DENND1C: variants seen among roughly 807,000 people sequenced by gnomAD.
DENND1C encodes DENN domain-containing protein 1C.
Under a neutral mutation model 87.9 loss-of-function variants are expected in DENND1C, and 64 were observed. That is an observed-to-expected ratio of 0.73 (90% confidence interval 0.60 to 0.90). The LOEUF (loss-of-function observed/expected upper bound fraction) is 0.90, where lower values mean the gene tolerates loss of function less well. Ranked by LOEUF, DENND1C falls within the 40% of genes least tolerant of loss-of-function variation. DENND1C has a pLI of 0.00. For missense variants in DENND1C, 980 were observed against 1,037.0 expected (o/e 0.95, Z 0.76); for synonymous variants, 384 against 424.4 (o/e 0.90, Z 1.17).
chr19:6,467,454 G>A lies in DENND1C; in HGVS notation c.*50C>T. ...CCAGGAAAAAAACCAGCTTTTTTGG[G>A]CTCTTGTGGCTTTATTGAGGGACTG... On this transcript the variant is annotated 3_prime_UTR_variant, in exon 23 of 23. Transcript: ENST00000381480. 1 of 1,467,846 alleles carries A rather than the reference G, an allele frequency of 6.8e-7. No homozygotes were observed. Among genetic ancestry groups the A allele is most frequent in the South Asian group, 1.4e-5 (1 of 69,964 alleles). 90.9% of individuals were successfully genotyped at this position (1,467,846 alleles called of 1,614,324 possible).
intron 1 of DENND1C, chr19:6,480,591 T>C (rs1016325376): frequency 1.8e-5 from 7 of 386,306 alleles, no homozygotes; most frequent in Non-Finnish European, 1.7e-5. Context: ...TCTATCTATC[T>C]ATCTATCTAT....
At chr19:6,470,226 G>A (rs976887313) in intron 18 of DENND1C, 69 bp downstream of exon 18, 18 of 1,493,874 alleles carry the variant, frequency 1.2e-5, no homozygotes, top group Non-Finnish European at 1.6e-5. Flanking sequence ...ATCCTTGGGA[G>A]GTCAAAGTGT....
chr19:6,474,254 T>C (rs887956780), intron 14 of DENND1C, among the ~76,000 whole-genome samples: 3 of 151,110 alleles, frequency 2.0e-5, no homozygotes, highest in African/African-American at 7.3e-5. Context: ...GTCCCAGTTT[T>C]TGGGAGAGAT....
Position 6,478,732 on chromosome 19 carries a change from G to T in DENND1C, c.366+51C>A, listed in dbSNP as rs536995091. On this transcript the variant is annotated intron_variant, in intron 6 of 22. Transcript: ENST00000381480. ...TGAGAGGGAGGGGTTGGGAGGTTGA[G>T]GGGGGTGGGGGCTGGGACTCCCACA... 2.2e-4 allele frequency: 343 copies of T among 1,564,308 alleles called. 4 individuals are homozygous for T. The South Asian group carries it at 3.1e-3, about 14-fold the overall frequency.
Position 6,478,181 on chromosome 19 carries a change from C to G in DENND1C, c.366+602G>C, listed in dbSNP as rs552981655. ...CTTCGAACTCCTGGGCTCAGTTGAT[C>G]CTCCCACCTTGCTCTCCTGAGTAGC... is the stretch of plus-strand genomic sequence containing the variant. On this transcript the variant is annotated intron_variant, in intron 6 of 22. Transcript: ENST00000381480. Among the ~76,000 whole-genome samples the G allele has an allele frequency of 3.3e-5, 5 of 152,258 alleles. No homozygotes were observed. In the South Asian group the frequency reaches 1.0e-3, roughly 32 times the overall value.
chr19:6,471,226 TA>T, intron 17 of DENND1C, 38 bp downstream of exon 17: 1 of 1,560,464 alleles, frequency 6.4e-7, no homozygotes, highest in Non-Finnish European at 8.7e-7. Flanking sequence ...ATTACAGGCC[TA>T]AGCCAACGCC....
intron 6 of DENND1C, 72 bp from the exon 7 acceptor site, chr19:6,477,530 A>G: frequency 7.0e-7 from 1 of 1,434,760 alleles, no homozygotes; most frequent in Non-Finnish European, 9.7e-7. Flanking sequence ...GGCTATGACT[A>G]AGGTTGAGTG....
In DENND1C at chr19:6,468,067, GCT is replaced by G; in HGVS notation, c.1841_1842del (p.Glu614AlafsTer77). The G allele has an allele frequency of 6.2e-7, 1 of 1,613,926 alleles. No homozygotes were observed. Among genetic ancestry groups the G allele is most frequent in the Non-Finnish European group, 8.5e-7 (1 of 1,179,868 alleles). On this transcript the variant is annotated frameshift_variant, in exon 23 of 23. Transcript: ENST00000381480. LOFTEE classifies it low-confidence loss of function (END_TRUNC). The stretch of plus-strand genomic sequence containing the variant: ...AGGGATGGCAGGGAAAGGGGCTGGG[GCT>G]CCGGCTCTGGTAGTTTCTTATCGTC... ...QPDDKKLPEPEPQPLSLPSLQ... is the reference protein window; with the variant it reads ...QPDDKKLPEPXPQPLSLPSLQ...
chr19:6,467,486 C>G lies in DENND1C; in HGVS notation c.*18G>C, dbSNP rs775357666. The stretch of plus-strand genomic sequence containing the variant: ...TGGCTTTATTGAGGGACTGGGGTCT[C>G]TCTTGGACCCCTGATTCTTAACCCT... On this transcript the variant is annotated 3_prime_UTR_variant, in exon 23 of 23. Coordinates refer to ENST00000381480, the MANE Select transcript of DENND1C (RefSeq NM_024898.4). The G allele has an allele frequency of 5.8e-6, 9 of 1,558,822 alleles. No homozygotes were observed. The highest frequency in any genetic ancestry group is 8.6e-7 in the Non-Finnish European group (1 of 1,156,158).
Position 6,478,917 on chromosome 19 carries a change from C to T in DENND1C, c.296+20G>A, listed in dbSNP as rs1402933948. ...GCCTCGGCCTTTCCCATCCCCCCCTCCAACCCCCATATCCCGCACCTGAGG... is the reference window on the plus strand; with the variant it reads ...GCCTCGGCCTTTCCCATCCCCCCCTTCAACCCCCATATCCCGCACCTGAGG... On this transcript the variant is annotated intron_variant, in intron 5 of 22. Coordinates refer to ENST00000381480, the MANE Select transcript of DENND1C (RefSeq NM_024898.4). 3 of 1,613,808 alleles carry T rather than the reference C, an allele frequency of 1.9e-6. No individual in the cohort carries two copies. The Admixed American group carries it at 5.0e-5, about 27-fold the overall frequency.
Position 6,467,632 on chromosome 19 carries a change from C to T in DENND1C, c.2278G>A (p.Ala760Thr), listed in dbSNP as rs201488135. 7.7e-5 allele frequency: 119 copies of T among 1,551,158 alleles called. 2 individuals are homozygous for T. The Middle Eastern group carries it at 4.7e-3, about 61-fold the overall frequency. Residue 760 changes from alanine (A) to threonine (T), a missense_variant, in exon 23 of 23, where the codon GCT (alanine) becomes ACT (threonine). By Grantham distance (58) the Ala-to-Thr change is moderately conservative. Coordinates refer to ENST00000381480, the MANE Select transcript of DENND1C (RefSeq NM_024898.4). ...RPPKALLAER[A>T]HLQPREEPGA... ...GGTTCCTCCCGTGGCTGGAGGTGAG[C>T]GCGCTCTGCCAGCAGGGCTTTGGGA...
chr19:6,479,289 GTCCTTGAA>G (rs1357556601), intron 4 of DENND1C, among the ~76,000 whole-genome samples: 8 of 149,408 alleles, frequency 5.4e-5, no homozygotes, highest in African/African-American at 2.0e-4. Flanking sequence ...GGATCTCTGG[GTCCTTGAA>G]TCCCTAAGTC....
In DENND1C at chr19:6,478,658, G is replaced by T. The variant is rs1337229853; in HGVS notation, c.366+125C>A. On this transcript the variant is annotated intron_variant, in intron 6 of 22. Transcript: ENST00000381480. ...TCCTCCCACCTCGGCCTCCCAAAAT[G>T]CAGGGACTACAGGTGTGACACAGTG... 59 of 1,153,398 alleles carry T rather than the reference G, an allele frequency of 5.1e-5. No homozygotes were observed. The South Asian group carries it at 6.8e-4, about 13-fold the overall frequency. 71.4% of individuals were successfully genotyped at this position (1,153,398 alleles called of 1,614,324 possible).
In DENND1C at chr19:6,477,469, C is replaced by T. The variant is rs529929209; in HGVS notation, c.367-11G>A. 1.9e-6 allele frequency: 2 copies of T among 1,034,768 alleles called. No homozygotes were observed. Among genetic ancestry groups the T allele is most frequent in the South Asian group, 1.3e-5 (1 of 79,286 alleles). 64.1% of individuals were successfully genotyped at this position (1,034,768 alleles called of 1,614,324 possible). Reference sequence around the variant, plus strand: ...CTCTGCCTCGGTGACCTGGGTGGGACGTGGAGGGGCGGGGGTGGCTGAGCC... The same window carrying T: ...CTCTGCCTCGGTGACCTGGGTGGGATGTGGAGGGGCGGGGGTGGCTGAGCC... On this transcript the variant is annotated splice_polypyrimidine_tract_variant and intron_variant, in intron 6 of 22. Coordinates refer to ENST00000381480, the MANE Select transcript of DENND1C (RefSeq NM_024898.4).
At chr19:6,473,116 T>C in intron 14 of DENND1C, 123 bp from the exon 15 acceptor site, 1 of 634,300 alleles carries the variant, frequency 1.6e-6, no homozygotes, top group Non-Finnish European at 2.4e-6. Flanking sequence ...GTGTGGGGCC[T>C]CATGGATGGC....
At chr19:6,469,726 T>C (rs1443696658) in intron 18 of DENND1C, 86 bp from the exon 19 acceptor site, 7 of 1,425,332 alleles carry the variant, frequency 4.9e-6, no homozygotes, top group Non-Finnish European at 6.7e-6. Context: ...TAAGATAGCT[T>C]TTTTTTTTGC....
chr19:6,470,501 G>A (rs2092821642), intron 17 of DENND1C, 135 bp from the exon 18 acceptor site: 9 of 809,536 alleles, frequency 1.1e-5, no homozygotes, highest in Admixed American at 6.5e-5. Context: ...GAACATGATC[G>A]TAGTCATGAC....
rs373944285 is a variant in DENND1C, at chr19:6,481,764, C to T, written c.-69G>A. ...CCTGGGGGCCTGTGTATGCTGGGCC[C>T]CAAGCCGGCTCAGCTTCCTGTGTGG... is the stretch of plus-strand genomic sequence containing the variant. On this transcript the variant is annotated 5_prime_UTR_variant, in exon 1 of 23. Coordinates refer to ENST00000381480, the MANE Select transcript of DENND1C (RefSeq NM_024898.4). 2.9e-4 allele frequency: 431 copies of T among 1,463,844 alleles called. 6 individuals carry two copies. In the South Asian group the frequency reaches 4.5e-3, roughly 15 times the overall value. 90.7% of individuals were successfully genotyped at this position (1,463,844 alleles called of 1,614,324 possible). A position where few individuals can be genotyped will look rare whatever the true frequency, so the allele number is the denominator to read the frequency against.
At position 6,475,520 on chromosome 19, in the gene DENND1C, C is replaced by G; in HGVS notation, c.891G>C (p.Thr297=). 1 of 1,613,916 alleles carries G rather than the reference C, an allele frequency of 6.2e-7. No individual in the cohort carries two copies. ...VLNVDANTLE[T]TFNDVQALPP... ...GCAGCGCCTGCACGTCGTTAAAGGT[C>G]GTCTCCAAGGTATTGGCGTCCACGT... is the stretch of plus-strand genomic sequence containing the variant. The change falls in exon 13 of 23, where the codon ACG becomes ACC. Residue 297 remains threonine (T), a synonymous_variant. Coordinates refer to ENST00000381480, the MANE Select transcript of DENND1C (RefSeq NM_024898.4).
Sources: allele counts gnomAD v4.1 joint callset (sites outside exome capture counted in the v4.1 genomes callset), GRCh38; gene constraint gnomAD v4.1.1; transcripts MANE v1.5; gene names NCBI Gene and HGNC (gene_info 2026-07-23, HGNC 2026-07-21).